The following MCM9 variants were observed in gnomAD, a reference collection of about 807,000 sequenced individuals.
MCM9 encodes the protein minichromosome maintenance 9 homologous recombination repair factor.
A neutral mutation model predicts 72.8 loss-of-function variants in MCM9; 55 were observed. The ratio of observed to expected loss-of-function variants is 0.76; its 90% CI spans 0.61 to 0.95. The LOEUF (loss-of-function observed/expected upper bound fraction) is 0.95, where lower values mean the gene tolerates loss of function less well. Among genes scored for constraint, MCM9 ranks in the 40% least tolerant of loss-of-function variants. The pLI, the probability that MCM9 is intolerant of heterozygous loss-of-function variation, is 0.00. For synonymous variants in MCM9, 480 were observed against 503.4 expected (o/e 0.95, Z 0.62); for missense variants, 1,279 against 1,377.0 (o/e 0.93, Z 1.13).
intron 12 of MCM9, 108 bp from the exon 13 acceptor site, chr6:118,826,400 C>A: frequency 1.8e-6 from 2 of 1,129,374 alleles, no homozygotes; most frequent in Non-Finnish European, 2.4e-6. Flanking sequence ...GTTTACACCC[C>A]TATACTGGGT....
intron 13 of MCM9, among the ~76,000 whole-genome samples, chr6:118,823,264 G>C (rs776077821): frequency 3.3e-5 from 5 of 152,162 alleles, no homozygotes; most frequent in Non-Finnish European, 7.3e-5. Context: ...CTTCTGATCC[G>C]TGGATTGCAA....
intron 8 of MCM9, among the ~76,000 whole-genome samples, chr6:118,857,078 T>C (rs1359966622): frequency 1.3e-5 from 2 of 152,196 alleles, no homozygotes; most frequent in African/African-American, 2.4e-5. Context: ...CAGTATTTTG[T>C]AGCAACCAGA....
chr6:118,826,068 T>C, intron 13 of MCM9, 79 bp downstream of exon 13: 3 of 1,455,718 alleles, frequency 2.1e-6, no homozygotes. Flanking sequence ...TTTTTCCACT[T>C]AATGCACACT....
chr6:118,916,432 C>CAGCATT (rs1780956298), intron 6 of MCM9, among the ~76,000 whole-genome samples: 1 of 142,394 alleles, frequency 7.0e-6, no homozygotes, highest in Non-Finnish European at 1.5e-5. Flanking sequence ...GAAATGGAAG[C>CAGCATT]ATTATTATTA....
chr6:118,930,976 T>C (rs1231519729), intron 3 of MCM9, among the ~76,000 whole-genome samples: 1 of 152,212 alleles, frequency 6.6e-6, no homozygotes, highest in African/African-American at 2.4e-5. Context: ...TCAACAAAAA[T>C]GTATCGAGTA....
At chr6:118,899,091 CTG>C (rs943734655) in intron 8 of MCM9, among the ~76,000 whole-genome samples, 1 of 152,188 alleles carries the variant, frequency 6.6e-6, no homozygotes, top group Non-Finnish European at 1.5e-5. Context: ...CAGAATATAA[CTG>C]TTGCACAGCC....
intron 13 of MCM9, among the ~76,000 whole-genome samples, chr6:118,821,517 T>C (rs772018818): frequency 1.3e-5 from 2 of 152,198 alleles, no homozygotes; most frequent in South Asian, 2.1e-4. Flanking sequence ...CTTCCCTTTG[T>C]AGGTAACCTG....
At chr6:118,826,928 TTCC>T in intron 11 of MCM9, 64 bp from the exon 12 acceptor site, 2 of 1,248,758 alleles carry the variant, frequency 1.6e-6, no homozygotes, top group African/African-American at 1.5e-5. Flanking sequence ...ATTCTCTAAC[TTCC>T]TCCTCCTCAC....
intron 3 of MCM9, among the ~76,000 whole-genome samples, chr6:118,928,947 C>G (rs1782147053): frequency 6.6e-6 from 1 of 151,704 alleles, no homozygotes; most frequent in East Asian, 2.0e-4. Context: ...TGGCCGGGCA[C>G]CATGGCTCAT....
Position 118,894,600 on chromosome 6 carries a change from C to G in MCM9, c.1150+17050G>C, listed in dbSNP as rs541959318. 34 of 1,265,934 alleles carry G rather than the reference C, an allele frequency of 2.7e-5. No homozygotes were observed. The African/African-American group carries it at 4.9e-4, about 18-fold the overall frequency. 78.4% of individuals were successfully genotyped at this position (1,265,934 alleles called of 1,614,324 possible). The stretch of plus-strand genomic sequence containing the variant: ...AAAGTTTCCCGGGCCGGGCCTCGCG[C>G]TGGGCGGCTGTGTTCGGCGCCTGGC... On this transcript the variant is annotated intron_variant, in intron 8 of 13. Coordinates refer to ENST00000619706, the MANE Select transcript of MCM9 (RefSeq NM_017696.3).
chr6:118,826,550 G>A (rs977367071), intron 12 of MCM9, among the ~76,000 whole-genome samples: 1 of 152,072 alleles, frequency 6.6e-6, no homozygotes, highest in Non-Finnish European at 1.5e-5. Context: ...AAAAACGATC[G>A]AAGCGCACTA....
intron 7 of MCM9, 146 bp downstream of exon 7, chr6:118,913,149 A>AAT: frequency 1.2e-6 from 1 of 863,142 alleles, no homozygotes; most frequent in South Asian, 1.9e-5. Flanking sequence ...ATGCTAGACT[A>AAT]AGTATAAGAT....
intron 3 of MCM9, among the ~76,000 whole-genome samples, chr6:118,925,223 G>A (rs1282769765): frequency 6.6e-6 from 1 of 152,130 alleles, no homozygotes; most frequent in Non-Finnish European, 1.5e-5. Flanking sequence ...ATTCCTAACA[G>A]GTTTATTGAA....
At chr6:118,853,280 G>T (rs762736577) in intron 9 of MCM9, among the ~76,000 whole-genome samples, 11 of 152,140 alleles carry the variant, frequency 7.2e-5, no homozygotes, top group Non-Finnish European at 1.5e-4. Flanking sequence ...CCATTGAAGA[G>T]TCTATCCAAT....
At position 118,881,568 on chromosome 6, in the gene MCM9, C is replaced by T. The variant is rs183600111; in HGVS notation, c.1151-25023G>A. ...AACACCAAGGGAGGAAAAATGGCAC[C>T]AGAAATTACTAGCAAACCAGGAATA... is the stretch of plus-strand genomic sequence containing the variant. On this transcript the variant is annotated intron_variant, in intron 8 of 13. Transcript: ENST00000619706. Among the ~76,000 whole-genome samples the T allele has an allele frequency of 4.4e-4, 67 of 152,188 alleles. No homozygotes were observed. The East Asian group carries it at 0.013, about 29-fold the overall frequency.
intron 9 of MCM9, among the ~76,000 whole-genome samples, chr6:118,843,690 A>ATC (rs1775634856): frequency 3.3e-5 from 1 of 29,916 alleles, no homozygotes; most frequent in Non-Finnish European, 6.4e-5. Flanking sequence ...ATATATGTGT[A>ATC]TATATATATA....
intron 8 of MCM9, among the ~76,000 whole-genome samples, chr6:118,864,267 C>T (rs770561597): frequency 1.3e-5 from 2 of 152,086 alleles, no homozygotes; most frequent in Non-Finnish European, 2.9e-5. Flanking sequence ...GCTTTTGCGT[C>T]CTCACAGCTT....
intron 8 of MCM9, among the ~76,000 whole-genome samples, chr6:118,901,560 T>C (rs752235286): frequency 6.6e-5 from 10 of 152,224 alleles, no homozygotes; most frequent in African/African-American, 9.6e-5. Flanking sequence ...CTGAGAGTAT[T>C]TGGATCTATA....
chr6:118,850,457 A>G (rs941071788), intron 9 of MCM9, among the ~76,000 whole-genome samples: 6 of 151,876 alleles, frequency 4.0e-5, no homozygotes. Flanking sequence ...ATATCCCTGT[A>G]AGAAGGGTGT....
Sources: gnomAD v4.1 joint callset for allele counts (sites outside exome capture counted in the v4.1 genomes callset) on GRCh38, gnomAD v4.1.1 for gene constraint, MANE v1.5 for transcripts, NCBI Gene and HGNC (gene_info 2026-07-23, HGNC 2026-07-21) for gene names.